Variants in DLG2 observed in about 807,000 individuals in gnomAD.
The protein encoded by DLG2 is discs large MAGUK scaffold protein 2.
DLG2 carries 45 observed loss-of-function variants against 132.5 expected under a neutral mutation model. The observed-to-expected ratio is 0.34, with a 90% CI of 0.27 to 0.44. DLG2 has a LOEUF of 0.44. Among genes scored for constraint, DLG2 ranks in the 20% least tolerant of loss-of-function variants. The pLI is 1.00. For missense variants in DLG2, 1,045 were observed against 1,196.9 expected (o/e 0.87, Z 1.87); for synonymous variants, 424 against 419.6 (o/e 1.01, Z -0.13).
intron 11 of DLG2, among the ~76,000 whole-genome samples, chr11:84,018,964 T>G (rs927464379): frequency 6.6e-6 from 1 of 151,858 alleles, no homozygotes. Flanking sequence ...ACTTTTAAAG[T>G]CAGATTAGTG....
At chr11:84,308,953 C>G (rs1171780658) in intron 7 of DLG2, among the ~76,000 whole-genome samples, 2 of 152,212 alleles carry the variant, frequency 1.3e-5, no homozygotes, top group East Asian at 3.9e-4. Flanking sequence ...GGAGCCGGCT[C>G]CGGCCTTGGC....
chr11:84,277,443 A>G (rs983681785), intron 7 of DLG2, among the ~76,000 whole-genome samples: 2 of 152,216 alleles, frequency 1.3e-5, no homozygotes, highest in Non-Finnish European at 2.9e-5. Context: ...CTCTCAAAAT[A>G]TTAAGAAAAT....
chr11:83,970,427 G>A (rs34655432), intron 12 of DLG2, among the ~76,000 whole-genome samples: 6,463 of 152,140 alleles, frequency 0.042, 200 homozygotes, highest in Non-Finnish European at 0.067. Context: ...TAATAATAGT[G>A]GTTTAAAATA....
At chr11:85,330,792 T>TAAAAAAAAAAAAAAAAAAAAAAA in intron 3 of DLG2, among the ~76,000 whole-genome samples, 1 of 116,492 alleles carries the variant, frequency 8.6e-6, no homozygotes, top group Non-Finnish European at 1.8e-5. Flanking sequence ...AAAAAAAAAT[T>TAAAAAAAAAAAAAAAAAAAAAAA]AAAAAAAAAA....
intron 3 of DLG2, among the ~76,000 whole-genome samples, chr11:85,334,910 G>C (rs564563303): frequency 6.6e-6 from 1 of 152,224 alleles, no homozygotes; most frequent in Admixed American, 6.5e-5. Context: ...TTGTTGTTGG[G>C]TAGAGTATTC....
chr11:84,985,991 CAAAAAA>C (rs71036455), intron 6 of DLG2, among the ~76,000 whole-genome samples: 16 of 44,214 alleles, frequency 3.6e-4, no homozygotes, highest in Non-Finnish European at 5.4e-4. Flanking sequence ...GACTCCGTCT[CAAAAAA>C]AAAAAAAAAA....
At chr11:85,468,526 G>C (rs1186832822) in intron 3 of DLG2, among the ~76,000 whole-genome samples, 2 of 152,152 alleles carry the variant, frequency 1.3e-5, no homozygotes, top group Middle Eastern at 3.2e-3. Flanking sequence ...TGTTCTCATT[G>C]GTTTCAAAGA....
intron 6 of DLG2, among the ~76,000 whole-genome samples, chr11:84,665,214 T>A (rs2099698640): frequency 6.6e-6 from 1 of 152,160 alleles, no homozygotes; most frequent in African/African-American, 2.4e-5. Context: ...AACACATTGA[T>A]AATGATGATA....
At chr11:85,609,828 C>G (rs1388459024) in intron 2 of DLG2, among the ~76,000 whole-genome samples, 1 of 152,180 alleles carries the variant, frequency 6.6e-6, no homozygotes. Flanking sequence ...GACGACTGTC[C>G]TCAAGGTCCG....
In DLG2 at chr11:84,787,236, A is replaced by G. The variant is rs564605262; in HGVS notation, c.358-252505T>C. Among the ~76,000 whole-genome samples the G allele has an allele frequency of 6.8e-4, 104 of 151,926 alleles. 1 individual carries two copies. In the Middle Eastern group the frequency reaches 0.01, roughly 15 times the overall value. ...CCATTAGGGGGCTTCTGTACTTTCT[A>G]TTGCTTCTCCATAAGACTCCATTGT... On this transcript the variant is annotated intron_variant, in intron 6 of 27. Coordinates refer to ENST00000376104, the MANE Select transcript of DLG2 (RefSeq NM_001142699.3).
At chr11:85,600,812 G>C (rs1277342310) in intron 2 of DLG2, among the ~76,000 whole-genome samples, 1 of 152,170 alleles carries the variant, frequency 6.6e-6, no homozygotes, top group East Asian at 1.9e-4. Flanking sequence ...CTCAATTTCT[G>C]TACTAATATC....
At chr11:85,356,834 T>C (rs934172871) in intron 3 of DLG2, among the ~76,000 whole-genome samples, 4 of 150,576 alleles carry the variant, frequency 2.7e-5, no homozygotes, top group African/African-American at 4.9e-5. Context: ...ATAGAGATGA[T>C]AGACAGACAC....
At chr11:84,255,572 C>T (rs1401813673) in intron 7 of DLG2, among the ~76,000 whole-genome samples, 1 of 152,172 alleles carries the variant, frequency 6.6e-6, no homozygotes, top group Admixed American at 6.5e-5. Flanking sequence ...GATCCACACG[C>T]CTCGGCCCCC....
At chr11:84,478,850 T>A (rs2099128998) in intron 7 of DLG2, among the ~76,000 whole-genome samples, 1 of 152,060 alleles carries the variant, frequency 6.6e-6, no homozygotes, top group Non-Finnish European at 1.5e-5. Context: ...AACTAGAATC[T>A]TTGACGTATA....
chr11:83,579,249 C>T (rs1236935441), intron 19 of DLG2, among the ~76,000 whole-genome samples: 2 of 152,192 alleles, frequency 1.3e-5, no homozygotes, highest in African/African-American at 4.8e-5. Flanking sequence ...ATTTATTCTA[C>T]ACATTAATTT....
chr11:84,907,477 G>A (rs1228828786), intron 6 of DLG2, among the ~76,000 whole-genome samples: 1 of 152,138 alleles, frequency 6.6e-6, no homozygotes, highest in Non-Finnish European at 1.5e-5. Flanking sequence ...GGCCTAACAT[G>A]TGCCTGATGC....
chr11:83,995,259 GA>G (rs1338400263), intron 11 of DLG2, among the ~76,000 whole-genome samples: 1 of 152,040 alleles, frequency 6.6e-6, no homozygotes, highest in East Asian at 1.9e-4. Context: ...TAGTACATTG[GA>G]AAAAATGAAG....
intron 6 of DLG2, among the ~76,000 whole-genome samples, chr11:84,681,001 CA>C (rs1341638650): frequency 3.3e-5 from 5 of 152,166 alleles, no homozygotes; most frequent in African/African-American, 1.2e-4. Context: ...AGGCATTAGT[CA>C]GGACACTGGG....
intron 8 of DLG2, among the ~76,000 whole-genome samples, chr11:84,217,730 T>C (rs1367120182): frequency 6.6e-6 from 1 of 152,232 alleles, no homozygotes; most frequent in East Asian, 1.9e-4. Context: ...TTTAAAGTGC[T>C]AATGTTCATT....
Sources: allele counts gnomAD v4.1 joint callset (sites outside exome capture counted in the v4.1 genomes callset), GRCh38; gene constraint gnomAD v4.1.1; transcripts MANE v1.5; gene names NCBI Gene and HGNC (gene_info 2026-07-23, HGNC 2026-07-21).